NWD1: variants seen among roughly 807,000 people sequenced by gnomAD.
NWD1 encodes NACHT and WD repeat domain containing 1, also known as NACHT domain- and WD repeat-containing protein 1.
A neutral mutation model predicts 135.1 loss-of-function variants in NWD1; 129 were observed. The observed-to-expected ratio is 0.96, with a 90% confidence interval of 0.83 to 1.11. NWD1 has a LOEUF of 1.11. Ranked by LOEUF, NWD1 falls within the 50% of genes least tolerant of loss-of-function variation. The probability of loss-of-function intolerance (pLI) is 0.00; values close to 1 mark genes in which losing one functional copy is unlikely to be tolerated. For missense variants in NWD1, 1,740 were observed against 1,851.3 expected (o/e 0.94, Z 1.10); for synonymous variants, 773 against 786.0 (o/e 0.98, Z 0.28).
At chr19:16,731,434 GTAGC>G (rs1174691476) in intron 3 of NWD1, among the ~76,000 whole-genome samples, 156 bp downstream of exon 3, 1 of 151,960 alleles carries the variant, frequency 6.6e-6, no homozygotes, top group Non-Finnish European at 1.5e-5. Flanking sequence ...AGCCTCCTGA[GTAGC>G]TGGGACTACA....
intron 10 of NWD1, among the ~76,000 whole-genome samples, chr19:16,765,647 A>G (rs1969194933): frequency 6.6e-6 from 1 of 152,088 alleles, no homozygotes; most frequent in African/African-American, 2.4e-5. Context: ...CTAGAATTTT[A>G]AATTGAGCCT....
In NWD1 at chr19:16,791,271, G is replaced by C. The variant is rs932784652; in HGVS notation, c.2941-79G>C. The C allele has an allele frequency of 3.3e-6, 4 of 1,225,402 alleles. No homozygotes were observed. The Admixed American group carries it at 5.7e-5, about 17-fold the overall frequency. The allele number at this position is 1,225,402 out of a possible 1,614,324, so 75.9% of individuals were successfully genotyped here. ...AAATGCATAAAGTATACAAGAGAAG[G>C]CATCTTGCATTTGACTCCGGGAAAC... On this transcript the variant is annotated intron_variant, in intron 13 of 18. Transcript: ENST00000524140.
At chr19:16,761,027 T>C (rs1365868802) in intron 7 of NWD1, among the ~76,000 whole-genome samples, 1 of 152,150 alleles carries the variant, frequency 6.6e-6, no homozygotes, top group Non-Finnish European at 1.5e-5. Flanking sequence ...CTCATTCCCC[T>C]TCCCTAACCC....
At chr19:16,781,564 T>C (rs565098380) in intron 12 of NWD1, among the ~76,000 whole-genome samples, 1 of 151,896 alleles carries the variant, frequency 6.6e-6, no homozygotes, top group South Asian at 2.1e-4. Flanking sequence ...TACAGTGAGC[T>C]GTGATTACAC....
intron 15 of NWD1, among the ~76,000 whole-genome samples, chr19:16,795,109 T>C (rs1970376361): frequency 6.6e-6 from 1 of 152,262 alleles, no homozygotes. Flanking sequence ...ATGCAGGATT[T>C]TTCTTGGCCT....
At chr19:16,808,188 G>T in intron 18 of NWD1, 52 bp downstream of exon 18, 1 of 1,520,014 alleles carries the variant, frequency 6.6e-7, no homozygotes, top group South Asian at 1.1e-5. Context: ...TTGGAAAACT[G>T]ATAGATAGCC....
At chr19:16,808,947 T>C (rs1017615771) in intron 18 of NWD1, among the ~76,000 whole-genome samples, 2 of 151,960 alleles carry the variant, frequency 1.3e-5, no homozygotes, top group East Asian at 3.9e-4. Context: ...TAGCTGGGCA[T>C]GGTGATGTGC....
intron 5 of NWD1, chr19:16,744,982 G>C: frequency 3.1e-6 from 2 of 635,392 alleles, no homozygotes; most frequent in Non-Finnish European, 5.8e-6. Flanking sequence ...TGGCACAGGG[G>C]CCGTATTAGT....
intron 6 of NWD1, 84 bp downstream of exon 6, chr19:16,750,495 C>T (rs1968533476): frequency 3.5e-6 from 4 of 1,129,784 alleles, no homozygotes. Context: ...GGCTATGTCA[C>T]CCAGGCTGGA....
chr19:16,759,474 C>T, intron 7 of NWD1, 46 bp downstream of exon 7: 1 of 1,427,952 alleles, frequency 7.0e-7, no homozygotes, highest in South Asian at 1.2e-5. Context: ...GGTGGGACCC[C>T]AAGAATGAGG....
At chr19:16,761,846 T>C in intron 7 of NWD1, 133 bp from the exon 8 acceptor site, 1 of 605,246 alleles carries the variant, frequency 1.7e-6, no homozygotes, top group Non-Finnish European at 2.9e-6. Flanking sequence ...ATGTGATGTA[T>C]CAAATAGCAC....
At chr19:16,738,864 A>C (rs1371921001) in intron 4 of NWD1, among the ~76,000 whole-genome samples, 2 of 143,186 alleles carry the variant, frequency 1.4e-5, no homozygotes, top group South Asian at 2.1e-4. Context: ...CATTATCTAT[A>C]ATATATAATA....
chr19:16,763,058 G>A (rs1325603700), intron 8 of NWD1, among the ~76,000 whole-genome samples: 1 of 151,874 alleles, frequency 6.6e-6, no homozygotes, highest in East Asian at 1.9e-4. Context: ...GAGATTACAG[G>A]CGTGTAATTA....
chr19:16,789,697 C>T (rs1046643537), intron 13 of NWD1, among the ~76,000 whole-genome samples: 3 of 147,392 alleles, frequency 2.0e-5, no homozygotes, highest in African/African-American at 7.5e-5. Context: ...CTTTTATAGT[C>T]TCTCTCTCTC....
chr19:16,724,758 A>T (rs1967260567), intron 2 of NWD1, among the ~76,000 whole-genome samples: 1 of 152,066 alleles, frequency 6.6e-6, no homozygotes. Flanking sequence ...TAATGGCGCC[A>T]TCTTGGCTCA....
chr19:16,773,280 C>T lies in NWD1; in HGVS notation c.2565C>T (p.Pro855=), dbSNP rs571705748. Reference sequence around the variant, plus strand: ...TGCCCCTCGGAGGATTCCTCCAGCCCCCGGGAGGACCCCTCCGGGCAACTC... The same window carrying T: ...TGCCCCTCGGAGGATTCCTCCAGCCTCCGGGAGGACCCCTCCGGGCAACTC... ...VLVPLGGFLQ[P]PGGPLRATLS... is the part of the protein sequence containing the mutation. The change falls in exon 11 of 19, where the codon CCC becomes CCT. Residue 855 remains proline, a synonymous_variant. Coordinates refer to ENST00000524140, the MANE Select transcript of NWD1 (RefSeq NM_001007525.5). The T allele has an allele frequency of 1.3e-4, 208 of 1,613,236 alleles. 3 individuals are homozygous for T. In the South Asian group the frequency reaches 2.1e-3, roughly 16 times the overall value.
intron 2 of NWD1, among the ~76,000 whole-genome samples, chr19:16,728,385 A>G (rs1206030757): frequency 6.7e-6 from 1 of 149,630 alleles, no homozygotes; most frequent in Non-Finnish European, 1.5e-5. Flanking sequence ...CCCAGGTTCA[A>G]GGGATTCTCC....
chr19:16,801,691 G>A (rs1970606481), intron 17 of NWD1: 1 of 152,220 alleles, frequency 6.6e-6, no homozygotes, highest in African/African-American at 2.4e-5. Context: ...ACTCCAGCCT[G>A]GACGACAGAA....
rs938588023 is a variant in NWD1, at chr19:16,817,739, A to G, written c.*2700A>G. 1 of 152,152 alleles carries G rather than the reference A, an allele frequency of 6.6e-6. No homozygotes were observed. Among genetic ancestry groups the G allele is most frequent in the Admixed American group, 6.6e-5 (1 of 15,260 alleles). The allele number at this position is 152,152 out of a possible 1,614,324, so 9.4% of individuals were successfully genotyped here. A position where few individuals can be genotyped will look rare whatever the true frequency, so the allele number is the denominator to read the frequency against. ...AAATTGTGAAGGGAGCCCTGAAAAA[A>G]TTAGCTACTCTTTGCCACTGCTTCT... is the stretch of plus-strand genomic sequence containing the variant. On this transcript the variant is annotated 3_prime_UTR_variant, in exon 19 of 19. Coordinates refer to ENST00000524140, the MANE Select transcript of NWD1 (RefSeq NM_001007525.5).
Sources: allele counts gnomAD v4.1 joint callset (sites outside exome capture counted in the v4.1 genomes callset), GRCh38; gene constraint gnomAD v4.1.1; transcripts MANE v1.5; gene names NCBI Gene and HGNC (gene_info 2026-07-23, HGNC 2026-07-21).